The following CNST variants were observed in gnomAD, a reference collection of about 807,000 sequenced individuals.
CNST encodes consortin, connexin sorting protein.
In CNST, 39 loss-of-function variants were observed where a neutral mutation model predicts 72.4. The observed-to-expected ratio is 0.54, with a 90% CI of 0.42 to 0.70. The LOEUF is 0.70. Ranked by LOEUF, CNST falls within the 30% of genes least tolerant of loss-of-function variation. The pLI, the probability that CNST is intolerant of heterozygous loss-of-function variation, is 0.00. For synonymous variants in CNST, 332 were observed against 320.1 expected, an observed-to-expected ratio of 1.04 and a Z score of -0.40; for missense variants, 871 against 868.5, an observed-to-expected ratio of 1.00 and a Z score of -0.04.
intron 6 of CNST, among the ~76,000 whole-genome samples, chr1:246,636,142 T>C (rs959124777): frequency 2.6e-5 from 4 of 152,050 alleles, no homozygotes; most frequent in Non-Finnish European, 4.4e-5. Context: ...CAAGACACAA[T>C]TGAGGTAGCT....
At chr1:246,584,947 A>G (rs1661039511) in intron 1 of CNST, among the ~76,000 whole-genome samples, 1 of 152,186 alleles carries the variant, frequency 6.6e-6, no homozygotes, top group African/African-American at 2.4e-5. Context: ...AGTTGTGGAA[A>G]TAGTTTCAGC....
intron 1 of CNST, among the ~76,000 whole-genome samples, chr1:246,577,855 A>T (rs1473347622): frequency 6.6e-6 from 1 of 151,918 alleles, no homozygotes; most frequent in Non-Finnish European, 1.5e-5. Flanking sequence ...CGTTTTTACT[A>T]ATTCATGCTT....
intron 1 of CNST, 76 bp downstream of exon 1, chr1:246,566,739 G>A (rs572092503): frequency 7.5e-6 from 3 of 399,834 alleles, no homozygotes; most frequent in Non-Finnish European, 1.3e-5. Flanking sequence ...GAAGCCTCTC[G>A]CTCCTCCCCC....
In CNST at chr1:246,575,432, G is replaced by C. The variant is rs112928384; in HGVS notation, c.-52+8769G>C. 5.3e-3 allele frequency among the ~76,000 whole-genome samples: 809 copies of C among 152,282 alleles called. 10 individuals are homozygous for C. The highest frequency in any genetic ancestry group is 0.018 in the African/African-American group (746 of 41,552). On this transcript the variant is annotated intron_variant, in intron 1 of 10. Transcript: ENST00000366513. The stretch of plus-strand genomic sequence containing the variant: ...ATATAGTACAACATGGATACCCCTT[G>C]AAAACATGCTGAGTGAAAGAAGCTA...
intron 1 of CNST, among the ~76,000 whole-genome samples, chr1:246,571,002 T>C (rs1246352228): frequency 6.6e-6 from 1 of 152,246 alleles, no homozygotes; most frequent in Non-Finnish European, 1.5e-5. Context: ...TTCCTTTATG[T>C]AGGAATCATT....
intron 9 of CNST, among the ~76,000 whole-genome samples, chr1:246,659,950 T>C (rs1666994363): frequency 6.6e-6 from 1 of 152,194 alleles, no homozygotes; most frequent in Non-Finnish European, 1.5e-5. Flanking sequence ...GAACACGTCA[T>C]GCTGCCTGTC....
At chr1:246,582,047 T>C (rs970477412) in intron 1 of CNST, among the ~76,000 whole-genome samples, 1 of 152,222 alleles carries the variant, frequency 6.6e-6, no homozygotes, top group African/African-American at 2.4e-5. Flanking sequence ...TTCATATAAG[T>C]CAAGTACGCA....
chr1:246,613,295 C>T (rs549375869), intron 2 of CNST, among the ~76,000 whole-genome samples: 97 of 152,218 alleles, frequency 6.4e-4, no homozygotes, highest in Non-Finnish European at 6.9e-4. Flanking sequence ...CACAATTTGC[C>T]GCAGAACAAT....
intron 2 of CNST, chr1:246,606,168 T>C (rs1662791079): frequency 6.6e-6 from 1 of 152,258 alleles, no homozygotes; most frequent in South Asian, 2.1e-4. Context: ...TCGTCTGGAT[T>C]GTCTGGCGGT....
chr1:246,656,862 T>C (rs1378519833), intron 9 of CNST, among the ~76,000 whole-genome samples: 4 of 152,050 alleles, frequency 2.6e-5, no homozygotes, highest in Admixed American at 2.6e-4. Context: ...CCTAGGAGGT[T>C]GAGGCTGCAG....
At chr1:246,631,672 C>T (rs1295391854) in intron 3 of CNST, among the ~76,000 whole-genome samples, 1 of 152,146 alleles carries the variant, frequency 6.6e-6, no homozygotes, top group Middle Eastern at 3.2e-3. Context: ...GATGTGTAAA[C>T]ACCAAAGAAC....
At chr1:246,590,215 T>G (rs1661458314) in intron 1 of CNST, among the ~76,000 whole-genome samples, 1 of 152,136 alleles carries the variant, frequency 6.6e-6, no homozygotes, top group Non-Finnish European at 1.5e-5. Context: ...AGGGTCGTGA[T>G]AGATCGAGCA....
chr1:246,583,581 G>A (rs1474962448), intron 1 of CNST, among the ~76,000 whole-genome samples: 2 of 152,188 alleles, frequency 1.3e-5, no homozygotes, highest in African/African-American at 4.8e-5. Flanking sequence ...ATTGTATTTA[G>A]TATGTGGATC....
intron 3 of CNST, among the ~76,000 whole-genome samples, chr1:246,624,299 T>C (rs1053413613): frequency 2.5e-4 from 38 of 152,204 alleles, no homozygotes; most frequent in African/African-American, 9.2e-4. Flanking sequence ...ATCTTTTCTC[T>C]CCTGGGAAAG....
intron 2 of CNST, among the ~76,000 whole-genome samples, chr1:246,613,705 G>A (rs1205402275): frequency 0.019 from 22 of 1,180 alleles, no homozygotes; most frequent in Non-Finnish European, 0.03. Context: ...CCCTCTTCCC[G>A]TCTCCCTCTT....
chr1:246,594,467 G>A (rs1239839942), intron 2 of CNST, among the ~76,000 whole-genome samples: 1 of 152,080 alleles, frequency 6.6e-6, no homozygotes, highest in Non-Finnish European at 1.5e-5. Context: ...CTTATATAAA[G>A]TGAGTTTAAG....
At chr1:246,617,804 G>A (rs541301666) in intron 2 of CNST, among the ~76,000 whole-genome samples, 50 of 152,256 alleles carry the variant, frequency 3.3e-4, no homozygotes, top group African/African-American at 1.1e-3. Context: ...AATATGGCTA[G>A]TGTTACTTTC....
At chr1:246,656,563 A>G (rs574518405) in intron 9 of CNST, among the ~76,000 whole-genome samples, 2 of 152,338 alleles carry the variant, frequency 1.3e-5, no homozygotes, top group Non-Finnish European at 2.9e-5. Flanking sequence ...AACTAAATTT[A>G]GTTTTAAGGC....
intron 2 of CNST, among the ~76,000 whole-genome samples, chr1:246,616,629 C>A (rs1558561059): frequency 6.6e-6 from 1 of 152,088 alleles, no homozygotes; most frequent in East Asian, 1.9e-4. Context: ...GTCTTGGCTC[C>A]CTGCAACCTT....
Sources: gnomAD v4.1 joint callset for allele counts (sites outside exome capture counted in the v4.1 genomes callset) on GRCh38, gnomAD v4.1.1 for gene constraint, MANE v1.5 for transcripts, NCBI Gene and HGNC (gene_info 2026-07-23, HGNC 2026-07-21) for gene names.